Variants in OR11G2 observed in about 807,000 individuals in gnomAD.
OR11G2 encodes olfactory receptor 11G2.
A neutral mutation model predicts 0.9 loss-of-function variants in OR11G2; 2 were observed. The ratio of observed to expected loss-of-function variants is 2.35; its 90% CI spans 0.96 to 7.38. OR11G2 has a LOEUF of 7.38. OR11G2 is among the 30% of genes most tolerant of loss of function. The pLI is 0.05. For missense variants in OR11G2, 395 were observed against 371.3 expected, an observed-to-expected ratio of 1.06 and a Z score of -0.52; for synonymous variants, 153 against 142.0, an observed-to-expected ratio of 1.08 and a Z score of -0.55.
At chr14:20,195,563 A>G (rs777048844) in intron 1 of OR11G2, among the ~76,000 whole-genome samples, 12 of 152,144 alleles carry the variant, frequency 7.9e-5, no homozygotes, top group Non-Finnish European at 1.6e-4. Flanking sequence ...ATCATTATGG[A>G]TTGTGTTAAA....
rs538115743 is a variant in OR11G2 at position 20,193,434 on chromosome 14, A to G, written c.-5+1768A>G. ...TGTTTCTAACAAAGGTATTTGCCTCACCAAGGAGCTTCTGTTGTTCCACAG... is the reference window on the plus strand; with the variant it reads ...TGTTTCTAACAAAGGTATTTGCCTCGCCAAGGAGCTTCTGTTGTTCCACAG... On this transcript the variant is annotated intron_variant, in intron 1 of 1. Coordinates refer to ENST00000641879, the MANE Select transcript of OR11G2 (RefSeq NM_001386033.1). Among the ~76,000 whole-genome samples, 42 of 152,288 alleles carry G rather than the reference A, an allele frequency of 2.8e-4. No individual in the cohort carries two copies. The South Asian group carries it at 8.5e-3, about 31-fold the overall frequency.
In OR11G2 at chr14:20,198,153, G is replaced by A. The variant is rs1442793680; in HGVS notation, c.716G>A (p.Arg239Lys). Residue 239 changes from arginine (R) to lysine (K), a missense_variant, in exon 2 of 2, where the codon AGA (arginine) becomes AAA (lysine). By Grantham distance (26) the Arg-to-Lys change is conservative. Transcript: ENST00000641879. The part of the protein sequence containing the change: ...VLRVPSAAGR[R>K]KAFSTCGSHL... ...AGGGTCCCTTCAGCAGCTGGGAGAA[G>A]AAAGGCTTTCTCCACCTGTGGGTCT... is the stretch of plus-strand genomic sequence containing the variant. 1 of 1,614,162 alleles carries A rather than the reference G, an allele frequency of 6.2e-7. No homozygotes were observed. Among genetic ancestry groups the A allele is most frequent in the South Asian group, 1.1e-5 (1 of 91,088 alleles).
chr14:20,197,829 G>A lies in OR11G2; in HGVS notation c.392G>A (p.Cys131Tyr), dbSNP rs775142862. ...VMAFDRYLAI[C>Y]RPLRYPTIMT... Reference sequence around the variant, plus strand: ...GCATTTGATCGATACCTTGCCATCTGTCGGCCTCTACGCTATCCAACCATT... The same window carrying A: ...GCATTTGATCGATACCTTGCCATCTATCGGCCTCTACGCTATCCAACCATT... The change falls in exon 2 of 2, where the codon TGT becomes TAT. Residue 131 changes from cysteine (C) to tyrosine (Y), a missense_variant. Coordinates refer to ENST00000641879, the MANE Select transcript of OR11G2 (RefSeq NM_001386033.1). 8 of 1,614,056 alleles carry A rather than the reference G, an allele frequency of 5.0e-6. No homozygotes were observed. In the South Asian group the frequency reaches 8.8e-5, roughly 18 times the overall value.
chr14:20,193,503 A>G (rs1219808493), intron 1 of OR11G2, among the ~76,000 whole-genome samples: 1 of 152,224 alleles, frequency 6.6e-6, no homozygotes, highest in Non-Finnish European at 1.5e-5. Flanking sequence ...AAATGTGTAC[A>G]GTAGGGGTTA....
intron 1 of OR11G2, 108 bp from the exon 2 acceptor site, chr14:20,197,326 T>C (rs1594224347): frequency 7.2e-7 from 1 of 1,394,478 alleles, no homozygotes; most frequent in East Asian, 2.3e-5. Flanking sequence ...TTTATTTCAA[T>C]AGTAAATTTA....
At position 20,200,695 on chromosome 14, in the gene OR11G2, T is replaced by G. The variant is rs555527541; in HGVS notation, c.*2322T>G. 1.3e-5 allele frequency: 2 copies of G among 152,364 alleles called. No homozygotes were observed. Among genetic ancestry groups the G allele is most frequent in the Admixed American group, 1.3e-4 (2 of 15,302 alleles). The allele number at this position is 152,364 out of a possible 1,614,324, so 9.4% of individuals were successfully genotyped here. On this transcript the variant is annotated 3_prime_UTR_variant, in exon 2 of 2. Transcript: ENST00000641879. ...CAGATATTTTTACACATGTGGGAAATGTTTACTGCAGCATTGTTGTAATAG... is the reference window on the plus strand; with the variant it reads ...CAGATATTTTTACACATGTGGGAAAGGTTTACTGCAGCATTGTTGTAATAG...
Position 20,198,277 on chromosome 14 carries a change from G to C in OR11G2, c.840G>C (p.Leu280=). ...CTGGAAAGCAGAAGACTGTGACTCT[G>C]TTTTATTCTGTTGTTACCCCACTGC... ...NEAGKQKTVT[L]FYSVVTPLLN... is the part of the protein sequence containing the mutation. Residue 280 remains leucine, a synonymous_variant, in exon 2 of 2, where the codon CTG becomes CTC. Coordinates refer to ENST00000641879, the MANE Select transcript of OR11G2 (RefSeq NM_001386033.1). The C allele has an allele frequency of 6.2e-7, 1 of 1,613,836 alleles. No individual in the cohort carries two copies. The highest frequency in any genetic ancestry group is 8.5e-7 in the Non-Finnish European group (1 of 1,179,790).
chr14:20,194,171 G>A (rs1005889868), intron 1 of OR11G2, among the ~76,000 whole-genome samples: 1 of 152,172 alleles, frequency 6.6e-6, no homozygotes, highest in Non-Finnish European at 1.5e-5. Flanking sequence ...AGAGCATTGG[G>A]AAGCTAATTG....
chr14:20,196,415 C>T (rs1181839825), intron 1 of OR11G2, among the ~76,000 whole-genome samples: 5 of 152,188 alleles, frequency 3.3e-5, no homozygotes, highest in East Asian at 1.9e-4. Flanking sequence ...AGTTTGCTCA[C>T]TTATGCGCTT....
At position 20,197,590 on chromosome 14, in the gene OR11G2, T is replaced by A. The variant is rs773370429; in HGVS notation, c.153T>A (p.Cys51Ter). 4 of 1,614,090 alleles carry A rather than the reference T, an allele frequency of 2.5e-6. No homozygotes were observed. The change falls in exon 2 of 2, where the codon TGT (cysteine) becomes TGA (stop). Residue 51 changes from cysteine (C) to a stop codon, truncating the protein, a stop_gained. Transcript: ENST00000641879. LOFTEE classifies it high-confidence loss of function. The part of the protein sequence containing the change: ...LTLMGNGSII[C>*]AVHWDQRLHA... ...TCATGGGCAATGGTTCCATCATCTGTGCTGTGCACTGGGATCAGAGACTCC... is the reference window on the plus strand; with the variant it reads ...TCATGGGCAATGGTTCCATCATCTGAGCTGTGCACTGGGATCAGAGACTCC...
rs373138732 is a variant in OR11G2, at chr14:20,197,639, G to T, written c.202G>T (p.Ala68Ser). The T allele has an allele frequency of 1.9e-6, 3 of 1,613,836 alleles. No homozygotes were observed. The highest frequency in any genetic ancestry group is 2.2e-5 in the East Asian group (1 of 44,898). Residue 68 changes from alanine to serine, a missense_variant, in exon 2 of 2, where the codon GCC becomes TCC. Ala to Ser is a moderately conservative substitution (Grantham distance 99). Transcript: ENST00000641879. Reference sequence around the variant, plus strand: ...CCACGCCCCCATGTACATCCTGCTCGCCAACTTCTCCTTCTTGGAGATATG... The same window carrying T: ...CCACGCCCCCATGTACATCCTGCTCTCCAACTTCTCCTTCTTGGAGATATG... ...RLHAPMYILL[A>S]NFSFLEICYV...
In OR11G2 at chr14:20,197,972, G is replaced by A. The variant is rs375105436; in HGVS notation, c.535G>A (p.Asp179Asn). The change falls in exon 2 of 2, where the codon GAC (aspartate) becomes AAC (asparagine). Residue 179 changes from aspartate to asparagine, a missense_variant. Coordinates refer to ENST00000641879, the MANE Select transcript of OR11G2 (RefSeq NM_001386033.1). ...GTCCTTCTGTGGATCTAGGATTATT[G>A]ACCACTTCCTATGTGACCCAGCTCC... ...QMSFCGSRII[D>N]HFLCDPAPLL... 1 of 1,613,714 alleles carries A rather than the reference G, an allele frequency of 6.2e-7. No individual in the cohort carries two copies.
In OR11G2 at chr14:20,197,702, T is replaced by A. The variant is rs2139113649; in HGVS notation, c.265T>A (p.Phe89Ile). Reference sequence around the variant, plus strand: ...CACAGTCCCCAGCATGCTGGCCAACTTCCTCTCTGACACCAAGATCATCTC... The same window carrying A: ...CACAGTCCCCAGCATGCTGGCCAACATCCTCTCTGACACCAAGATCATCTC... Reference protein sequence around the residue: ...TSTVPSMLANFLSDTKIISFS... With the variant: ...TSTVPSMLANILSDTKIISFS... Residue 89 changes from phenylalanine to isoleucine, a missense_variant, in exon 2 of 2, where the codon TTC (phenylalanine) becomes ATC (isoleucine). By Grantham distance (21) the Phe-to-Ile change is conservative. Transcript: ENST00000641879. The A allele has an allele frequency of 6.2e-7, 1 of 1,613,894 alleles. No homozygotes were observed. The highest frequency in any genetic ancestry group is 8.5e-7 in the Non-Finnish European group (1 of 1,179,848).
At chr14:20,197,074 A>T (rs75562477) in intron 1 of OR11G2, among the ~76,000 whole-genome samples, 1 of 152,230 alleles carries the variant, frequency 6.6e-6, no homozygotes, top group Non-Finnish European at 1.5e-5. Flanking sequence ...CCATAAATAC[A>T]TATTCTGTTA....
intron 1 of OR11G2, 35 bp from the exon 2 acceptor site, chr14:20,197,399 C>A (rs1179070330): frequency 6.2e-7 from 1 of 1,611,616 alleles, no homozygotes; most frequent in Non-Finnish European, 8.5e-7. Flanking sequence ...TTTGCACCGT[C>A]ATTCAGTAAT....
At chr14:20,193,636 CAT>C (rs1242328648) in intron 1 of OR11G2, among the ~76,000 whole-genome samples, 1 of 152,156 alleles carries the variant, frequency 6.6e-6, no homozygotes, top group Non-Finnish European at 1.5e-5. Context: ...TTTTGTGACA[CAT>C]GAAAATTATA....
rs2139116133 is a variant in OR11G2, at chr14:20,198,333, A to T, written c.896A>T (p.Lys299Ile). The T allele has an allele frequency of 6.3e-7, 1 of 1,582,876 alleles. No homozygotes were observed. The highest frequency in any genetic ancestry group is 8.6e-7 in the Non-Finnish European group (1 of 1,169,532). Residue 299 changes from lysine to isoleucine, a missense_variant, in exon 2 of 2, where the codon AAA becomes ATA. Lys to Ile is a moderately radical substitution (Grantham distance 102). Coordinates refer to ENST00000641879, the MANE Select transcript of OR11G2 (RefSeq NM_001386033.1). ...LNPVIYSLRNKDMRKALKKFW... is the reference protein window; with the variant it reads ...LNPVIYSLRNIDMRKALKKFW... ...CCTGTGATATATAGTCTTAGGAACA[A>T]AGATATGAGAAAAGCTCTGAAGAAA...
intron 1 of OR11G2, among the ~76,000 whole-genome samples, chr14:20,192,208 A>G (rs28376723): frequency 0.023 from 3,536 of 152,264 alleles, 129 homozygotes; most frequent in African/African-American, 0.076. Flanking sequence ...TGGCATTTTC[A>G]TCTGAGAGAC....
chr14:20,197,373 T>C, intron 1 of OR11G2, 61 bp from the exon 2 acceptor site: 1 of 1,584,682 alleles, frequency 6.3e-7, no homozygotes, highest in African/African-American at 1.4e-5. Flanking sequence ...AATATAAATC[T>C]GATTCCCCAT....
Sources: gnomAD v4.1 joint callset for allele counts (sites outside exome capture counted in the v4.1 genomes callset) on GRCh38, gnomAD v4.1.1 for gene constraint, MANE v1.5 for transcripts, NCBI Gene and HGNC (gene_info 2026-07-23, HGNC 2026-07-21) for gene names.